Variants in COP1 observed in about 807,000 individuals in gnomAD.
The protein encoded by COP1 is COP1 E3 ubiquitin ligase.
In COP1, 24 loss-of-function variants were observed where a neutral mutation model predicts 101.3. The observed-to-expected ratio is 0.24, with a 90% CI of 0.17 to 0.33. COP1 has a LOEUF of 0.33. Among genes scored for constraint, COP1 ranks in the 10% least tolerant of loss-of-function variants. COP1 has a pLI of 1.00. For missense variants in COP1, 663 were observed against 906.2 expected, an observed-to-expected ratio of 0.73 and a Z score of 3.45; for synonymous variants, 347 against 341.9, an observed-to-expected ratio of 1.01 and a Z score of -0.17.
intron 9 of COP1, among the ~76,000 whole-genome samples, chr1:176,097,956 C>T (rs1360999361): frequency 6.6e-6 from 1 of 150,926 alleles, no homozygotes; most frequent in Non-Finnish European, 1.5e-5. Context: ...AAAATAAAAG[C>T]TGTAGTGCCT....
At chr1:176,198,780 A>T (rs1699972601) in intron 1 of COP1, among the ~76,000 whole-genome samples, 1 of 152,182 alleles carries the variant, frequency 6.6e-6, no homozygotes, top group African/African-American at 2.4e-5. Flanking sequence ...ATGCAATTTT[A>T]AGGGAAAAAA....
intron 18 of COP1, among the ~76,000 whole-genome samples, chr1:175,959,484 A>T (rs1001396953): frequency 1.3e-5 from 2 of 152,128 alleles, no homozygotes; most frequent in East Asian, 3.8e-4. Flanking sequence ...ATATAAAGGT[A>T]TAAGTACTGG....
intron 11 of COP1, among the ~76,000 whole-genome samples, chr1:176,055,559 T>C (rs1315951666): frequency 6.6e-6 from 1 of 152,216 alleles, no homozygotes; most frequent in South Asian, 2.1e-4. Context: ...TCAATCTATA[T>C]AGTACACTGA....
At chr1:176,039,382 C>T (rs1036359904) in intron 14 of COP1, among the ~76,000 whole-genome samples, 5 of 151,636 alleles carry the variant, frequency 3.3e-5, no homozygotes, top group Admixed American at 3.3e-4. Flanking sequence ...TAAGCTTCTG[C>T]TTTAGAAAAC....
intron 16 of COP1, 21 bp from the exon 17 acceptor site, chr1:175,988,433 T>A: frequency 6.4e-7 from 1 of 1,559,968 alleles, no homozygotes; most frequent in East Asian, 2.3e-5. Flanking sequence ...GTACAAAGAG[T>A]AAGAACTTAC....
At chr1:176,103,050 A>G (rs1172639256) in intron 9 of COP1, among the ~76,000 whole-genome samples, 1 of 152,234 alleles carries the variant, frequency 6.6e-6, no homozygotes, top group African/African-American at 2.4e-5. Context: ...CTGGCTCTGC[A>G]TGAATTACTC....
chr1:176,105,980 G>A (rs1290431070), intron 9 of COP1, among the ~76,000 whole-genome samples: 3 of 152,130 alleles, frequency 2.0e-5, no homozygotes, highest in Non-Finnish European at 2.9e-5. Context: ...ACTGGGCACA[G>A]GCTTAACTAA....
At chr1:176,137,772 C>T (rs1370144950) in intron 6 of COP1, among the ~76,000 whole-genome samples, 1 of 151,988 alleles carries the variant, frequency 6.6e-6, no homozygotes, top group Non-Finnish European at 1.5e-5. Flanking sequence ...TTTTTATAGA[C>T]TTATTAGTAT....
intron 11 of COP1, among the ~76,000 whole-genome samples, chr1:176,062,117 C>G (rs1674962135): frequency 6.6e-6 from 1 of 152,156 alleles, no homozygotes; most frequent in Non-Finnish European, 1.5e-5. Flanking sequence ...TCTCCTGCCT[C>G]AGCCTCCCGA....
chr1:176,116,211 G>T (rs766036274), intron 9 of COP1, among the ~76,000 whole-genome samples: 17 of 151,806 alleles, frequency 1.1e-4, no homozygotes, highest in Non-Finnish European at 1.8e-4. Context: ...AATCCATCTA[G>T]ATCTACAGTA....
intron 5 of COP1, among the ~76,000 whole-genome samples, chr1:176,156,199 C>T (rs376595550): frequency 2.0e-5 from 3 of 152,038 alleles, no homozygotes; most frequent in East Asian, 1.9e-4. Context: ...TTCAAGATTG[C>T]CTGCAAACAT....
chr1:176,173,267 T>C (rs1177565900), intron 3 of COP1, among the ~76,000 whole-genome samples: 1 of 135,650 alleles, frequency 7.4e-6, no homozygotes, highest in Non-Finnish European at 1.5e-5. Context: ...GTCAAGATCA[T>C]GCCATTGCAC....
At chr1:176,065,708 T>A (rs868406625) in intron 11 of COP1, among the ~76,000 whole-genome samples, 2 of 145,810 alleles carry the variant, frequency 1.4e-5, no homozygotes, top group South Asian at 2.2e-4. Context: ...ATAATGATTT[T>A]TTTTTTTTTT....
intron 18 of COP1, among the ~76,000 whole-genome samples, chr1:175,984,611 A>G (rs949191478): frequency 1.1e-4 from 16 of 152,158 alleles, no homozygotes; most frequent in African/African-American, 3.9e-4. Flanking sequence ...CAGACCCCAA[A>G]ATGGTAGATC....
At chr1:176,010,295 A>T (rs1664421259) in intron 15 of COP1, among the ~76,000 whole-genome samples, 1 of 152,200 alleles carries the variant, frequency 6.6e-6, no homozygotes. Flanking sequence ...CAATATCATT[A>T]TATCACACTC....
At chr1:176,051,455 T>A (rs1672540449) in intron 11 of COP1, among the ~76,000 whole-genome samples, 1 of 152,202 alleles carries the variant, frequency 6.6e-6, no homozygotes, top group African/African-American at 2.4e-5. Flanking sequence ...CTGCCAGTTG[T>A]ATAAAAGTAC....
chr1:176,015,733 T>A (rs942528363), intron 15 of COP1, among the ~76,000 whole-genome samples: 1 of 151,288 alleles, frequency 6.6e-6, no homozygotes, highest in East Asian at 1.9e-4. Context: ...AATAGAGGAG[T>A]GGTCAATTAT....
chr1:176,099,210 T>C (rs1682946880), intron 9 of COP1, among the ~76,000 whole-genome samples: 1 of 152,104 alleles, frequency 6.6e-6, no homozygotes, highest in Non-Finnish European at 1.5e-5. Flanking sequence ...TATAGGACTC[T>C]AACAGGTACT....
chr1:176,064,544 A>G (rs1332016191), intron 11 of COP1, among the ~76,000 whole-genome samples: 1 of 152,202 alleles, frequency 6.6e-6, no homozygotes, highest in Non-Finnish European at 1.5e-5. Flanking sequence ...ATACACCTCA[A>G]TGATCTCAGG....
Sources: allele counts gnomAD v4.1 joint callset (sites outside exome capture counted in the v4.1 genomes callset), GRCh38; gene constraint gnomAD v4.1.1; transcripts MANE v1.5; gene names NCBI Gene and HGNC (gene_info 2026-07-23, HGNC 2026-07-21).